Variants in SDK1 observed in about 807,000 individuals in gnomAD.
SDK1 encodes the protein protein sidekick-1.
SDK1 carries 157 observed loss-of-function variants against 245.5 expected under a neutral mutation model. The observed-to-expected ratio is 0.64, with a 90% CI of 0.56 to 0.73. SDK1 has a LOEUF of 0.73. SDK1 is among the 30% of genes least tolerant of loss of function. SDK1 has a pLI of 0.00. For synonymous variants in SDK1, 1,647 were observed against 1,278.5 expected (o/e 1.29, Z -6.15); for missense variants, 3,583 against 3,002.3 (o/e 1.19, Z -4.52).
intron 4 of SDK1, among the ~76,000 whole-genome samples, chr7:3,803,536 C>G (rs906920641): frequency 6.6e-6 from 1 of 151,888 alleles, no homozygotes; most frequent in Non-Finnish European, 1.5e-5. Context: ...GTCTCAAACT[C>G]CTGACCTCAA....
intron 4 of SDK1, among the ~76,000 whole-genome samples, chr7:3,672,986 C>G (rs1011856062): frequency 2.7e-5 from 4 of 150,756 alleles, no homozygotes; most frequent in African/African-American, 9.8e-5. Context: ...TTCCTTTTTT[C>G]TATTTTTTTT....
chr7:4,012,910 C>T (rs921320226), intron 16 of SDK1, among the ~76,000 whole-genome samples: 29 of 152,072 alleles, frequency 1.9e-4, no homozygotes, highest in Admixed American at 1.9e-3. Flanking sequence ...TTTAAGTTTT[C>T]AACCAAGGGC....
chr7:4,232,859 CTCTCTATGTCTGATTTTAATTTTAA>C (rs1785885373), intron 40 of SDK1: 1 of 156,128 alleles, frequency 6.4e-6, no homozygotes, highest in Non-Finnish European at 1.4e-5. Flanking sequence ...CTCTAACATC[CTCTCTATGTCTGATTTTAATTTTAA>C]ATTTATTAAT....
chr7:4,027,630 C>G (rs1464095779), intron 17 of SDK1, among the ~76,000 whole-genome samples: 1 of 152,190 alleles, frequency 6.6e-6, no homozygotes, highest in Non-Finnish European at 1.5e-5. Flanking sequence ...GATTAACCAT[C>G]ATTTTCTACT....
intron 1 of SDK1, among the ~76,000 whole-genome samples, chr7:3,586,436 G>A (rs1029095257): frequency 7.9e-5 from 12 of 151,782 alleles, no homozygotes; most frequent in Admixed American, 3.3e-4. Context: ...GGTGGCTCAC[G>A]CCTGTAATCC....
intron 1 of SDK1, among the ~76,000 whole-genome samples, chr7:3,575,180 C>T (rs1396810420): frequency 6.6e-6 from 1 of 152,080 alleles, no homozygotes; most frequent in Non-Finnish European, 1.5e-5. Context: ...AGCTGAGTTT[C>T]TGGTGAGGGC....
At chr7:3,590,300 CTTTTTTTT>C (rs200303832) in intron 1 of SDK1, among the ~76,000 whole-genome samples, 6 of 96,128 alleles carry the variant, frequency 6.2e-5, no homozygotes, top group African/African-American at 2.3e-4. Flanking sequence ...TTTCCTGTTC[CTTTTTTTT>C]TTTTTTTTTT....
intron 1 of SDK1, among the ~76,000 whole-genome samples, chr7:3,414,505 C>G (rs964926271): frequency 3.3e-5 from 5 of 152,090 alleles, no homozygotes; most frequent in African/African-American, 9.7e-5. Context: ...ACATGAATAT[C>G]TATAGATCTT....
In SDK1 at chr7:3,958,930, G is replaced by A; in HGVS notation, c.1151-1G>A. 6.2e-7 allele frequency: 1 copy of A among 1,612,544 alleles called. No individual in the cohort carries two copies. Among genetic ancestry groups the A allele is most frequent in the Non-Finnish European group, 8.5e-7 (1 of 1,178,728 alleles). On this transcript the variant is annotated splice_acceptor_variant, in intron 7 of 44. Coordinates refer to ENST00000404826, the MANE Select transcript of SDK1 (RefSeq NM_152744.4). LOFTEE classifies it high-confidence loss of function. ...GCTTTTTTTTATTTTCTTGTTTGAA[G>A]AGCCACCATATTTTACTGCTGAGCC...
chr7:3,676,148 G>A (rs1783887329), intron 4 of SDK1, among the ~76,000 whole-genome samples: 1 of 151,742 alleles, frequency 6.6e-6, no homozygotes, highest in Non-Finnish European at 1.5e-5. Flanking sequence ...GTATTTTTTT[G>A]TGGAGACGGG....
intron 1 of SDK1, among the ~76,000 whole-genome samples, chr7:3,515,810 A>C (rs1322828778): frequency 6.6e-6 from 1 of 152,230 alleles, no homozygotes; most frequent in East Asian, 1.9e-4. Context: ...TCTCAAAGAC[A>C]TAAATCACCT....
intron 32 of SDK1, 81 bp from the exon 33 acceptor site, chr7:4,174,141 A>G: frequency 1.3e-6 from 2 of 1,493,666 alleles, no homozygotes; most frequent in Admixed American, 1.8e-5. Flanking sequence ...GGCTAGTTAA[A>G]CAGGGGTGGA....
chr7:3,780,260 G>T (rs915445429), intron 4 of SDK1, among the ~76,000 whole-genome samples: 1 of 152,176 alleles, frequency 6.6e-6, no homozygotes, highest in Non-Finnish European at 1.5e-5. Context: ...CTGCCACAGG[G>T]AAAGAGAACC....
intron 4 of SDK1, among the ~76,000 whole-genome samples, chr7:3,770,542 C>G (rs1159357201): frequency 6.6e-6 from 1 of 152,164 alleles, no homozygotes; most frequent in Non-Finnish European, 1.5e-5. Context: ...TTCCAGAGTG[C>G]CTGTAGCATT....
At chr7:4,220,950 C>CT (rs953032041) in intron 39 of SDK1, among the ~76,000 whole-genome samples, 5 of 148,840 alleles carry the variant, frequency 3.4e-5, no homozygotes, top group Admixed American at 1.4e-4. Context: ...CACCTGGCTA[C>CT]TTTTTTTTGT....
At position 3,979,551 on chromosome 7, in the gene SDK1, C is replaced by T. The variant is rs145631461; in HGVS notation, c.1994+5006C>T. ...CTCCACCTACTGAGCTGAAATGAGA[C>T]GGTGTCTTTTGCCCTACTGAGGAGG... On this transcript the variant is annotated intron_variant, in intron 13 of 44. Transcript: ENST00000404826. 7.1e-3 allele frequency among the ~76,000 whole-genome samples: 1,074 copies of T among 152,242 alleles called. 3 individuals carry two copies. The highest frequency in any genetic ancestry group is 0.012 in the Non-Finnish European group (799 of 68,012).
intron 4 of SDK1, among the ~76,000 whole-genome samples, chr7:3,743,318 G>T (rs534340708): frequency 6.6e-6 from 1 of 152,120 alleles, no homozygotes; most frequent in East Asian, 1.9e-4. Flanking sequence ...TTTGAGACTC[G>T]GGTTCTGTGG....
chr7:4,068,431 CTA>C (rs1780037466), intron 20 of SDK1, among the ~76,000 whole-genome samples: 1 of 152,164 alleles, frequency 6.6e-6, no homozygotes, highest in African/African-American at 2.4e-5. Flanking sequence ...GGTGGTGTGA[CTA>C]TGAGGCTTAC....
intron 4 of SDK1, among the ~76,000 whole-genome samples, chr7:3,676,516 G>A (rs562090289): frequency 3.9e-5 from 6 of 151,908 alleles, no homozygotes; most frequent in Admixed American, 6.6e-5. Flanking sequence ...TAGTAGAGAC[G>A]GGGTTTCACC....
Sources: gnomAD v4.1 joint callset for allele counts (sites outside exome capture counted in the v4.1 genomes callset) on GRCh38, gnomAD v4.1.1 for gene constraint, MANE v1.5 for transcripts, NCBI Gene and HGNC (gene_info 2026-07-23, HGNC 2026-07-21) for gene names.